The following TLCD4 variants were observed in gnomAD, a reference collection of about 807,000 sequenced individuals.
TLCD4 encodes the protein TLC domain containing 4.
TLCD4 carries 7 observed loss-of-function variants against 24.2 expected under a neutral mutation model. The observed-to-expected ratio is 0.29, with a 90% confidence interval of 0.16 to 0.54. TLCD4 has a LOEUF of 0.54. Ranked by LOEUF, TLCD4 falls within the 20% of genes least tolerant of loss-of-function variation. The pLI, the probability that TLCD4 is intolerant of heterozygous loss-of-function variation, is 0.95. For synonymous variants in TLCD4, 103 were observed against 106.4 expected (o/e 0.97, Z 0.20); for missense variants, 259 against 313.9 (o/e 0.82, Z 1.32).
chr1:95,185,233 T>G (rs1482536233), intron 6 of TLCD4, among the ~76,000 whole-genome samples: 2 of 152,080 alleles, frequency 1.3e-5, no homozygotes, highest in African/African-American at 4.8e-5. Context: ...TAGCAGGAAT[T>G]GAGCACGTTG....
chr1:95,107,154 T>A, the TLCD4 span, among the ~76,000 whole-genome samples: 1 of 152,234 alleles, frequency 6.6e-6, no homozygotes, highest in Non-Finnish European at 1.5e-5. Flanking sequence ...CCGGGCGCGG[T>A]GGCTCACGCC....
intron 5 of TLCD4, among the ~76,000 whole-genome samples, chr1:95,159,182 T>C (rs1677713485): frequency 2.0e-5 from 3 of 152,342 alleles, no homozygotes; most frequent in Non-Finnish European, 4.4e-5. Flanking sequence ...GTTTCCTGAC[T>C]TTTTAATGAT....
chr1:95,113,324 G>A (rs1320010153), upstream of TLCD4, among the ~76,000 whole-genome samples: 1 of 152,272 alleles, frequency 6.6e-6, no homozygotes, highest in East Asian at 1.9e-4. Context: ...GGGATTACAG[G>A]CATGAACCAC....
At chr1:95,153,506 G>C (rs1422568304) in intron 5 of TLCD4, among the ~76,000 whole-genome samples, 1 of 152,128 alleles carries the variant, frequency 6.6e-6, no homozygotes, top group Non-Finnish European at 1.5e-5. Flanking sequence ...CGATGCATAA[G>C]GATAAAGAAT....
chr1:95,112,186 G>A, the TLCD4 span, among the ~76,000 whole-genome samples: 1 of 151,960 alleles, frequency 6.6e-6, no homozygotes, highest in South Asian at 2.1e-4. Flanking sequence ...TCCAGACATT[G>A]CCACGTGTCT....
At chr1:95,135,428 C>T (rs999418826) in intron 1 of TLCD4, among the ~76,000 whole-genome samples, 3 of 138,202 alleles carry the variant, frequency 2.2e-5, no homozygotes, top group Admixed American at 7.6e-5. Context: ...ACAGAGTCTT[C>T]CTCTGTCGCC....
chr1:95,142,937 C>T (rs939736561), intron 1 of TLCD4, among the ~76,000 whole-genome samples: 1 of 131,802 alleles, frequency 7.6e-6, no homozygotes, highest in Non-Finnish European at 1.5e-5. Flanking sequence ...CTGGGGGACA[C>T]AGCAAGACTC....
At chr1:95,100,633 C>G in the TLCD4 span, among the ~76,000 whole-genome samples, 1 of 150,398 alleles carries the variant, frequency 6.6e-6, no homozygotes, top group Non-Finnish European at 1.5e-5. Flanking sequence ...TAGAGGACAC[C>G]TTCCAGATCA....
upstream of TLCD4, among the ~76,000 whole-genome samples, chr1:95,115,088 T>TTATATA (rs71588543): frequency 2.8e-5 from 4 of 143,848 alleles, no homozygotes; most frequent in East Asian, 2.0e-4. Flanking sequence ...TATATACACA[T>TTATATA]TATATATATA....
At chr1:95,165,370 T>C (rs1365295567) in intron 5 of TLCD4, among the ~76,000 whole-genome samples, 1 of 152,188 alleles carries the variant, frequency 6.6e-6, no homozygotes, top group East Asian at 1.9e-4. Context: ...TGAGTGAATA[T>C]CCATATATCT....
At chr1:95,186,310 C>G (rs944555706) in intron 6 of TLCD4, among the ~76,000 whole-genome samples, 3 of 152,184 alleles carry the variant, frequency 2.0e-5, no homozygotes, top group African/African-American at 4.8e-5. Context: ...GCAGAGCACC[C>G]TAGCTACTCT....
intron 5 of TLCD4, among the ~76,000 whole-genome samples, chr1:95,153,607 G>C (rs1025920296): frequency 2.6e-5 from 4 of 152,126 alleles, no homozygotes; most frequent in African/African-American, 9.7e-5. Context: ...GATTCTATTA[G>C]AGGAGGCCTG....
At position 95,173,873 on chromosome 1, in the gene TLCD4, C is replaced by T. The variant is rs1678322143; in HGVS notation, c.457C>T (p.Pro153Ser). 2 of 1,613,836 alleles carry T rather than the reference C, an allele frequency of 1.2e-6. No homozygotes were observed. The highest frequency in any genetic ancestry group is 1.7e-6 in the Non-Finnish European group (2 of 1,179,988). Residue 153 changes from proline to serine, a missense_variant, in exon 6 of 7, where the codon CCG (proline) becomes TCG (serine). By Grantham distance (74) the Pro-to-Ser change is moderately conservative. Transcript: ENST00000370203. ...NFRLLAELSS[P>S]FVNQRWFFEA... is the part of the protein sequence containing the mutation. ...TCGCCTGCTTGCAGAGCTTTCCAGC[C>T]CGTTTGTGAATCAGCGGTATGTTAC...
At chr1:95,176,252 C>T (rs377016630) in intron 6 of TLCD4, among the ~76,000 whole-genome samples, 1 of 150,650 alleles carries the variant, frequency 6.6e-6, no homozygotes, top group Non-Finnish European at 1.5e-5. Context: ...AGTACAGTGG[C>T]GTGATCTTGG....
chr1:95,175,017 C>A (rs1678373528), intron 6 of TLCD4, among the ~76,000 whole-genome samples: 1 of 152,182 alleles, frequency 6.6e-6, no homozygotes, highest in Admixed American at 6.5e-5. Flanking sequence ...CTCAATTGAT[C>A]CACCCGCTTT....
At chr1:95,105,894 T>TAAAAAA in the TLCD4 span, among the ~76,000 whole-genome samples, 1 of 115,358 alleles carries the variant, frequency 8.7e-6, no homozygotes, top group African/African-American at 3.2e-5. Context: ...GACTCCGTCT[T>TAAAAAA]AAAAAAAAAA....
At chr1:95,190,671 C>T (rs1235224871) in intron 6 of TLCD4, among the ~76,000 whole-genome samples, 3 of 152,208 alleles carry the variant, frequency 2.0e-5, no homozygotes, top group Admixed American at 1.3e-4. Flanking sequence ...ATCCACCTGC[C>T]TCAGCCTCCC....
intron 5 of TLCD4, among the ~76,000 whole-genome samples, chr1:95,168,557 T>C (rs1488168713): frequency 1.1e-3 from 3 of 2,790 alleles, no homozygotes; most frequent in Non-Finnish European, 4.4e-3. Flanking sequence ...GAGTGAGCTT[T>C]TTTTTTTTTT....
the TLCD4 span, among the ~76,000 whole-genome samples, chr1:95,097,681 A>G: frequency 6.6e-6 from 1 of 152,238 alleles, no homozygotes; most frequent in East Asian, 1.9e-4. Context: ...AAATCAACCA[A>G]AGGAACTGTA....
Sources: allele counts gnomAD v4.1 joint callset (sites outside exome capture counted in the v4.1 genomes callset), GRCh38; gene constraint gnomAD v4.1.1; transcripts MANE v1.5; gene names NCBI Gene and HGNC (gene_info 2026-07-23, HGNC 2026-07-21).